Variants in RELCH observed in about 807,000 individuals in gnomAD.
The protein encoded by RELCH is RAB11-binding protein RELCH.
Under a neutral mutation model 150.3 loss-of-function variants are expected in RELCH, and 41 were observed. That is an observed-to-expected ratio of 0.27 (90% CI 0.21 to 0.35). The LOEUF (loss-of-function observed/expected upper bound fraction) is 0.35. Ranked by LOEUF, RELCH falls within the 10% of genes least tolerant of loss-of-function variation. The pLI is 1.00. For missense variants in RELCH, 1,092 were observed against 1,467.8 expected (o/e 0.74, Z 4.18); for synonymous variants, 478 against 531.8 (o/e 0.90, Z 1.39).
chr18:62,298,979 C>G (rs984983457), intron 28 of RELCH, 119 bp downstream of exon 28: 1 of 592,848 alleles, frequency 1.7e-6, no homozygotes, highest in African/African-American at 1.9e-5. Flanking sequence ...GTTTGGAAGA[C>G]AAGAAAATGA....
rs1304694330 is a variant in RELCH at position 62,244,873 on chromosome 18, A to T, written c.1730A>T (p.Gln577Leu). 1 of 1,590,658 alleles carries T rather than the reference A, an allele frequency of 6.3e-7. No homozygotes were observed. The highest frequency in any genetic ancestry group is 2.2e-5 in the East Asian group (1 of 44,712). Residue 577 changes from glutamine (Q) to leucine (L), a missense_variant, in exon 11 of 29, where the codon CAA (glutamine) becomes CTA (leucine). Coordinates refer to ENST00000644646, the MANE Select transcript of RELCH (RefSeq NM_001346231.2). ...FNLIKRPDDE[Q>L]RQMILTGCVA... ...TTGATCAAGAGGCCAGATGATGAGC[A>T]AAGGTGGGTATGATTACATATGTGA...
At chr18:62,223,722 A>G (rs1253978423) in intron 5 of RELCH, among the ~76,000 whole-genome samples, 1 of 152,138 alleles carries the variant, frequency 6.6e-6, no homozygotes, top group African/African-American at 2.4e-5. Flanking sequence ...TAAAAGGACA[A>G]TTCATTATGA....
chr18:62,189,692 TAGC>T (rs2038475160), intron 1 of RELCH, among the ~76,000 whole-genome samples: 1 of 152,232 alleles, frequency 6.6e-6, no homozygotes, highest in Non-Finnish European at 1.5e-5. Flanking sequence ...AGGGCTATCA[TAGC>T]ATTGTTTCTA....
chr18:62,246,345 T>C (rs1012760663), intron 11 of RELCH: 2 of 152,208 alleles, frequency 1.3e-5, no homozygotes, highest in African/African-American at 4.8e-5. Flanking sequence ...TGAGCTACTT[T>C]TTAATGTTTA....
intron 13 of RELCH, 108 bp from the exon 14 acceptor site, chr18:62,257,838 ATG>A (rs771106003): frequency 9.6e-5 from 80 of 829,974 alleles, no homozygotes; most frequent in Non-Finnish European, 1.4e-4. Flanking sequence ...TTTAATAAAA[ATG>A]TTAATACCTG....
At chr18:62,220,968 A>G (rs1276118669) in intron 2 of RELCH, 69 bp from the exon 3 acceptor site, 5 of 1,267,302 alleles carry the variant, frequency 3.9e-6, no homozygotes, top group East Asian at 2.3e-5. Flanking sequence ...CTTGCTTTTT[A>G]TTTTTTAATT....
chr18:62,261,726 T>C (rs2043283201), intron 16 of RELCH, 68 bp downstream of exon 16: 2 of 1,428,060 alleles, frequency 1.4e-6, no homozygotes, highest in Non-Finnish European at 1.9e-6. Flanking sequence ...AGAATTGTTT[T>C]TTATTAAAAG....
intron 11 of RELCH, chr18:62,246,031 A>G (rs190011672): frequency 2.0e-5 from 3 of 152,292 alleles, no homozygotes; most frequent in South Asian, 2.1e-4. Context: ...ATGTTCTCCA[A>G]ATAGAAACCT....
At chr18:62,297,593 C>A (rs1018374224) in intron 27 of RELCH, among the ~76,000 whole-genome samples, 1 of 152,158 alleles carries the variant, frequency 6.6e-6, no homozygotes, top group Non-Finnish European at 1.5e-5. Context: ...TTCAAAAAAG[C>A]GTAACCTAGA....
In RELCH at chr18:62,307,394, G is replaced by A. The variant is rs1568462149; in HGVS notation, c.*1860G>A. ...TGTATGTTTGTTATCAGGTGAATGG[G>A]TAGAATGTATTTTTATTGTGAACAT... On this transcript the variant is annotated 3_prime_UTR_variant, in exon 29 of 29. Transcript: ENST00000644646. 6.6e-6 allele frequency: 1 copy of A among 151,978 alleles called. No individual in the cohort carries two copies. Among genetic ancestry groups the A allele is most frequent in the African/African-American group, 2.4e-5 (1 of 41,400 alleles). The allele number at this position is 151,978 out of a possible 1,614,324, so 9.4% of individuals were successfully genotyped here. A position where few individuals can be genotyped will look rare whatever the true frequency, so the allele number is the denominator to read the frequency against.
chr18:62,215,149 T>C (rs1438421843), intron 2 of RELCH, among the ~76,000 whole-genome samples: 1 of 152,166 alleles, frequency 6.6e-6, no homozygotes, highest in Non-Finnish European at 1.5e-5. Context: ...ATTTTGAAGC[T>C]TCTGTGACTT....
chr18:62,298,288 G>A (rs1378408040), intron 27 of RELCH, among the ~76,000 whole-genome samples: 1 of 152,068 alleles, frequency 6.6e-6, no homozygotes, highest in East Asian at 1.9e-4. Context: ...TGCAGGAATC[G>A]TGTTAACTTT....
At chr18:62,262,725 G>C (rs1385028011) in intron 16 of RELCH, among the ~76,000 whole-genome samples, 1 of 151,968 alleles carries the variant, frequency 6.6e-6, no homozygotes, top group African/African-American at 2.4e-5. Context: ...CATCTGCCTA[G>C]GGATTTTCCT....
chr18:62,255,032 C>T (rs1237276280), intron 12 of RELCH, among the ~76,000 whole-genome samples: 2 of 152,020 alleles, frequency 1.3e-5, no homozygotes, highest in African/African-American at 2.4e-5. Flanking sequence ...TATTATAGAC[C>T]GTATCTATAA....
At chr18:62,265,786 T>TAA (rs2043526353) in intron 18 of RELCH, among the ~76,000 whole-genome samples, 1 of 152,010 alleles carries the variant, frequency 6.6e-6, no homozygotes, top group African/African-American at 2.4e-5. Context: ...CAGTGTCTTT[T>TAA]AATTCTCTTA....
At chr18:62,244,679 T>C (rs1370985647) in intron 10 of RELCH, 85 bp from the exon 11 acceptor site, 29 of 859,024 alleles carry the variant, frequency 3.4e-5, no homozygotes, top group Non-Finnish European at 5.3e-5. Context: ...TCACTTTAAA[T>C]GTCCATTTAA....
chr18:62,232,255 T>A, intron 9 of RELCH, 77 bp from the exon 10 acceptor site: 1 of 888,158 alleles, frequency 1.1e-6, no homozygotes. Flanking sequence ...TATCAGGGCC[T>A]AAAGAATGAA....
chr18:62,258,658 G>C lies in RELCH; in HGVS notation c.2184G>C (p.Lys728Asn). The change falls in exon 15 of 29, where the codon AAG becomes AAC. Residue 728 changes from lysine to asparagine, a missense_variant. Lys to Asn is a moderately conservative substitution (Grantham distance 94). Transcript: ENST00000644646. ...QSHLILTLLN[K>N]IEKLLREGEH... ...ATCTTATACTTACACTACTGAACAA[G>C]ATTGAAAAACTTCTCAGGGTAAGTT... is the stretch of plus-strand genomic sequence containing the variant. 6.3e-7 allele frequency: 1 copy of C among 1,586,434 alleles called. No individual in the cohort carries two copies.
chr18:62,285,116 G>T (rs1394738830), intron 25 of RELCH, among the ~76,000 whole-genome samples: 2 of 137,132 alleles, frequency 1.5e-5, no homozygotes, highest in Non-Finnish European at 3.2e-5. Context: ...CTGATATACA[G>T]TTTTTTGTTT....
Sources: allele counts gnomAD v4.1 joint callset (sites outside exome capture counted in the v4.1 genomes callset), GRCh38; gene constraint gnomAD v4.1.1; transcripts MANE v1.5; gene names NCBI Gene and HGNC (gene_info 2026-07-23, HGNC 2026-07-21).